The following PARD3 variants were observed in gnomAD, a reference collection of about 807,000 sequenced individuals.
PARD3 encodes par-3 family cell polarity regulator.
Under a neutral mutation model 155.4 loss-of-function variants are expected in PARD3, and 75 were observed. The observed-to-expected ratio is 0.48, with a 90% CI of 0.40 to 0.58. The LOEUF (loss-of-function observed/expected upper bound fraction) is 0.58. PARD3 is among the 20% of genes least tolerant of loss of function. The pLI is 0.00. For missense variants in PARD3, 1,642 were observed against 1,721.7 expected, an observed-to-expected ratio of 0.95 and a Z score of 0.82; for synonymous variants, 576 against 610.5, an observed-to-expected ratio of 0.94 and a Z score of 0.83.
chr10:34,240,924 C>T (rs949394205), intron 22 of PARD3, among the ~76,000 whole-genome samples: 2 of 152,170 alleles, frequency 1.3e-5, no homozygotes, highest in African/African-American at 2.4e-5. Context: ...ACACCCTGCA[C>T]ACACACATCC....
chr10:34,254,721 G>C (rs1308946639), intron 22 of PARD3, among the ~76,000 whole-genome samples: 3 of 152,124 alleles, frequency 2.0e-5, no homozygotes, highest in Non-Finnish European at 4.4e-5. Context: ...AATGTATTGA[G>C]TGTGGTCTGC....
chr10:34,708,786 T>C (rs1262896667), intron 1 of PARD3, among the ~76,000 whole-genome samples: 1 of 152,094 alleles, frequency 6.6e-6, no homozygotes, highest in African/African-American at 2.4e-5. Flanking sequence ...TGAGTGGTGT[T>C]TGGGTCCTTG....
At chr10:34,746,388 A>T (rs1350823943) in intron 1 of PARD3, among the ~76,000 whole-genome samples, 3 of 152,044 alleles carry the variant, frequency 2.0e-5, no homozygotes, top group African/African-American at 7.3e-5. Flanking sequence ...GTTCAAGGTT[A>T]TAGTGAGGTA....
chr10:34,272,345 A>T (rs1254542797), intron 21 of PARD3, among the ~76,000 whole-genome samples: 1 of 152,212 alleles, frequency 6.6e-6, no homozygotes, highest in Non-Finnish European at 1.5e-5. Context: ...CCTCTGTGAA[A>T]AGCTCTAATT....
At position 34,344,281 on chromosome 10, in the gene PARD3, T is replaced by G. The variant is rs899066039; in HGVS notation, c.2219-2465A>C. The G allele has an allele frequency of 8.5e-3, 619 of 72,902 alleles. 2 individuals carry two copies. The highest frequency in any genetic ancestry group is 0.083 in the African/African-American group (517 of 6,192). The allele number at this position is 72,902 out of a possible 1,614,324, so 4.5% of individuals were successfully genotyped here. A position where few individuals can be genotyped will look rare whatever the true frequency, so the allele number is the denominator to read the frequency against. The stretch of plus-strand genomic sequence containing the variant: ...TTTTTTGTTTGTTTGTTTGTTTTTG[T>G]TTTTTTTTTTTTTTTTTTGGATATG... On this transcript the variant is annotated intron_variant, in intron 15 of 24. Coordinates refer to ENST00000374788, the MANE Select transcript of PARD3 (RefSeq NM_001184785.2).
At chr10:34,290,172 A>G (rs1265106606) in intron 20 of PARD3, among the ~76,000 whole-genome samples, 1 of 152,230 alleles carries the variant, frequency 6.6e-6, no homozygotes, top group African/African-American at 2.4e-5. Context: ...GCATCCTGCG[A>G]TAAATAAAAA....
At chr10:34,680,901 G>A (rs909579367) in intron 2 of PARD3, among the ~76,000 whole-genome samples, 11 of 151,110 alleles carry the variant, frequency 7.3e-5, no homozygotes, top group Non-Finnish European at 1.6e-4. Context: ...GAGTTAGTGG[G>A]TGCAGCACAC....
At chr10:34,198,893 T>A (rs1448175670) in intron 22 of PARD3, among the ~76,000 whole-genome samples, 1 of 152,152 alleles carries the variant, frequency 6.6e-6, no homozygotes, top group African/African-American at 2.4e-5. Flanking sequence ...GTGGAACAGC[T>A]GTAACAACGT....
chr10:34,758,275 A>G (rs1836999525), intron 1 of PARD3, among the ~76,000 whole-genome samples: 2 of 152,230 alleles, frequency 1.3e-5, no homozygotes. Context: ...TGCCACTGCT[A>G]TATGTTATTT....
At chr10:34,179,568 T>C (rs187257338) in intron 22 of PARD3, among the ~76,000 whole-genome samples, 1 of 152,176 alleles carries the variant, frequency 6.6e-6, no homozygotes, top group Non-Finnish European at 1.5e-5. Context: ...AAATGTCCCT[T>C]CGCTAAAAAG....
chr10:34,650,763 G>A (rs1396570102), intron 2 of PARD3, among the ~76,000 whole-genome samples: 1 of 152,176 alleles, frequency 6.6e-6, no homozygotes, highest in East Asian at 1.9e-4. Flanking sequence ...TGTAATCCCA[G>A]CACTTTGGGA....
At chr10:34,248,292 C>T (rs929966772) in intron 22 of PARD3, among the ~76,000 whole-genome samples, 11 of 152,126 alleles carry the variant, frequency 7.2e-5, no homozygotes, top group African/African-American at 2.7e-4. Flanking sequence ...GTCAATCAAA[C>T]CATTCTGGCC....
At chr10:34,362,743 C>A (rs1839576682) in intron 12 of PARD3, among the ~76,000 whole-genome samples, 1 of 152,218 alleles carries the variant, frequency 6.6e-6, no homozygotes, top group Non-Finnish European at 1.5e-5. Flanking sequence ...AATCCACGCA[C>A]TTTGGCTTCC....
At chr10:34,170,559 T>C (rs1949738736) in intron 22 of PARD3, among the ~76,000 whole-genome samples, 1 of 151,976 alleles carries the variant, frequency 6.6e-6, no homozygotes, top group South Asian at 2.1e-4. Flanking sequence ...GAGGTAAGCA[T>C]AGAGTGTGTG....
chr10:34,249,399 A>G (rs1482457970), intron 22 of PARD3, among the ~76,000 whole-genome samples: 4 of 152,222 alleles, frequency 2.6e-5, no homozygotes, highest in Admixed American at 2.6e-4. Context: ...AGCTAGTGAA[A>G]GTTAATAATA....
intron 22 of PARD3, among the ~76,000 whole-genome samples, chr10:34,196,699 G>A (rs1163526161): frequency 1.4e-5 from 2 of 147,936 alleles, no homozygotes; most frequent in Admixed American, 6.9e-5. Flanking sequence ...TCAGCCTCCC[G>A]AGTAGCTGGG....
At chr10:34,531,693 G>A (rs189815399) in intron 2 of PARD3, among the ~76,000 whole-genome samples, 2 of 152,310 alleles carry the variant, frequency 1.3e-5, no homozygotes, top group East Asian at 1.9e-4. Flanking sequence ...GGCAACTGCA[G>A]TAGCTGCAGA....
intron 1 of PARD3, among the ~76,000 whole-genome samples, chr10:34,793,653 G>A (rs1338506312): frequency 6.6e-6 from 1 of 152,130 alleles, no homozygotes; most frequent in East Asian, 1.9e-4. Flanking sequence ...GGGCGTGGTG[G>A]CACACGCCTA....
chr10:34,347,754 G>C (rs1164545731), intron 15 of PARD3, among the ~76,000 whole-genome samples: 1 of 152,112 alleles, frequency 6.6e-6, no homozygotes, highest in Non-Finnish European at 1.5e-5. Context: ...GGATCTAAAA[G>C]TCACTTAAAT....
Sources: allele counts gnomAD v4.1 joint callset (sites outside exome capture counted in the v4.1 genomes callset), GRCh38; gene constraint gnomAD v4.1.1; transcripts MANE v1.5; gene names NCBI Gene and HGNC (gene_info 2026-07-23, HGNC 2026-07-21).